Variants in BRIX1 observed in about 807,000 individuals in gnomAD.
BRIX1 encodes biogenesis of ribosomes BRX1.
BRIX1 carries 15 observed loss-of-function variants against 44.0 expected under a neutral mutation model. That is an observed-to-expected ratio of 0.34 (90% CI 0.23 to 0.53). The LOEUF is 0.53. Ranked by LOEUF, BRIX1 falls within the 20% of genes least tolerant of loss-of-function variation. The probability of loss-of-function intolerance (pLI) is 0.95; values close to 1 mark genes in which losing one functional copy is unlikely to be tolerated. For missense variants in BRIX1, 420 were observed against 432.8 expected, an observed-to-expected ratio of 0.97 and a Z score of 0.26; for synonymous variants, 149 against 135.4, an observed-to-expected ratio of 1.10 and a Z score of -0.70.
intron 1 of BRIX1, 159 bp downstream of exon 1, chr5:34,916,056 TTGC>T: frequency 1.2e-6 from 1 of 824,126 alleles, no homozygotes; most frequent in East Asian, 3.1e-5. Context: ...GGCACGGAGT[TTGC>T]AGCTAATCCT....
At chr5:34,920,404 TA>T (rs1381477384) in intron 3 of BRIX1, 1 of 152,222 alleles carries the variant, frequency 6.6e-6, no homozygotes, top group East Asian at 1.9e-4. Flanking sequence ...ATTTACATTT[TA>T]AAGCAAAATT....
intron 3 of BRIX1, chr5:34,921,630 G>A (rs1764238113): frequency 6.6e-6 from 1 of 152,314 alleles, no homozygotes; most frequent in Admixed American, 6.5e-5. Flanking sequence ...TCCTGGCCAG[G>A]TGAGGTGGCT....
chr5:34,919,155 A>C (rs1417249203), intron 2 of BRIX1, among the ~76,000 whole-genome samples: 1 of 150,938 alleles, frequency 6.6e-6, no homozygotes, highest in Admixed American at 6.6e-5. Flanking sequence ...ACTTGCCTGC[A>C]GTCCCAGCTA....
At chr5:34,920,897 C>T (rs570618782) in intron 3 of BRIX1, 16 of 151,974 alleles carry the variant, frequency 1.1e-4, no homozygotes, top group African/African-American at 3.6e-4. Flanking sequence ...AAAAGTCTCT[C>T]TCTGTTACCC....
In BRIX1 at chr5:34,918,466, T is replaced by C; in HGVS notation, c.262T>C (p.Ser88Pro). The change falls in exon 2 of 10, where the codon TCT becomes CCT. Residue 88 changes from serine to proline, a missense_variant. Physicochemically the swap from Ser to Pro is moderately conservative, Grantham distance 74. Coordinates refer to ENST00000336767, the MANE Select transcript of BRIX1 (RefSeq NM_018321.4). ...MQDLRMLMPH[S>P]KADTKMDRKD... ...GGACTTGAGAATGTTGATGCCTCAT[T>C]CTAAAGCAGGTGCCTTTATATCATA... is the stretch of plus-strand genomic sequence containing the variant. 1 of 1,593,074 alleles carries C rather than the reference T, an allele frequency of 6.3e-7. No homozygotes were observed. Among genetic ancestry groups the C allele is most frequent in the South Asian group, 1.1e-5 (1 of 88,174 alleles).
chr5:34,922,119 G>T (rs1439847407), intron 3 of BRIX1, 98 bp from the exon 4 acceptor site: 5 of 636,732 alleles, frequency 7.9e-6, no homozygotes, highest in Non-Finnish European at 1.3e-5. Context: ...GCCTGGTTAG[G>T]TATTTTTGAG....
intron 2 of BRIX1, among the ~76,000 whole-genome samples, chr5:34,919,382 TTTG>T (rs1393644570): frequency 6.6e-6 from 1 of 151,984 alleles, no homozygotes; most frequent in African/African-American, 2.4e-5. Flanking sequence ...TTTTTTGTTT[TTTG>T]TTTTTTATTT....
chr5:34,918,344 A>C lies in BRIX1; in HGVS notation c.160-20A>C. ...TCAGTATAAGATTTTAAAATCTTTTAACATTTTCTTTTTCTTTAGGGAAAG... is the reference window on the plus strand; with the variant it reads ...TCAGTATAAGATTTTAAAATCTTTTCACATTTTCTTTTTCTTTAGGGAAAG... On this transcript the variant is annotated intron_variant, in intron 1 of 9. Coordinates refer to ENST00000336767, the MANE Select transcript of BRIX1 (RefSeq NM_018321.4). 8.1e-7 allele frequency: 1 copy of C among 1,239,534 alleles called. No individual in the cohort carries two copies. Among genetic ancestry groups the C allele is most frequent in the Non-Finnish European group, 1.2e-6 (1 of 847,460 alleles). 76.8% of individuals were successfully genotyped at this position (1,239,534 alleles called of 1,614,324 possible).
chr5:34,921,953 G>T, intron 3 of BRIX1: 1 of 208,208 alleles, frequency 4.8e-6, no homozygotes, highest in Non-Finnish European at 9.3e-6. Flanking sequence ...GTAATCAGAA[G>T]TGAGACCATT....
At chr5:34,923,942 T>C (rs1472143889) in intron 8 of BRIX1, among the ~76,000 whole-genome samples, 1 of 151,766 alleles carries the variant, frequency 6.6e-6, no homozygotes, top group African/African-American at 2.4e-5. Flanking sequence ...AGGGAATAAC[T>C]TGAAGATCCA....
At position 34,916,006 on chromosome 5, in the gene BRIX1, T is replaced by TA. The variant is rs1764071602; in HGVS notation, c.159+111dup. 9 of 1,311,008 alleles carry TA rather than the reference T, an allele frequency of 6.9e-6. No homozygotes were observed. The South Asian group carries it at 1.4e-4, about 21-fold the overall frequency. 81.2% of individuals were successfully genotyped at this position (1,311,008 alleles called of 1,614,324 possible). ...CTTAATTTCAGAGTAGCCCGGGTGT[T>TA]AACGGTAGGTCGGTTTTAGCAATTC... On this transcript the variant is annotated intron_variant, in intron 1 of 9. Coordinates refer to ENST00000336767, the MANE Select transcript of BRIX1 (RefSeq NM_018321.4).
chr5:34,917,552 A>C (rs1764143580), intron 1 of BRIX1, among the ~76,000 whole-genome samples: 1 of 152,160 alleles, frequency 6.6e-6, no homozygotes, highest in African/African-American at 2.4e-5. Context: ...AGGCAGGAGA[A>C]TCGCTTGAAC....
At position 34,925,159 on chromosome 5, in the gene BRIX1, GT is replaced by G. The variant is rs1365300628; in HGVS notation, c.793-66del. ...AAGGATATATGGTTCATAACTGAAA[GT>G]CTTTGCCTTATATAAAATGTTTATT... is the stretch of plus-strand genomic sequence containing the variant. On this transcript the variant is annotated intron_variant, in intron 9 of 9. Coordinates refer to ENST00000336767, the MANE Select transcript of BRIX1 (RefSeq NM_018321.4). 3.4e-6 allele frequency: 5 copies of G among 1,462,418 alleles called. No homozygotes were observed. In the African/African-American group the frequency reaches 7.2e-5, roughly 21 times the overall value. 90.6% of individuals were successfully genotyped at this position (1,462,418 alleles called of 1,614,324 possible). A position where few individuals can be genotyped will look rare whatever the true frequency, so the allele number is the denominator to read the frequency against.
chr5:34,917,050 A>G (rs1376329050), intron 1 of BRIX1, among the ~76,000 whole-genome samples: 1 of 152,218 alleles, frequency 6.6e-6, no homozygotes, highest in East Asian at 1.9e-4. Context: ...TAATAAGATA[A>G]AGAATCATGA....
intron 6 of BRIX1, 26 bp from the exon 7 acceptor site, chr5:34,922,975 A>G (rs1301481412): frequency 2.0e-6 from 3 of 1,473,094 alleles, no homozygotes; most frequent in Non-Finnish European, 9.4e-7. Context: ...CTACTGTTAA[A>G]TAATATGCTT....
chr5:34,925,733 T>A lies in BRIX1; in HGVS notation c.*238T>A. 2.4e-6 allele frequency: 1 copy of A among 422,900 alleles called. No individual in the cohort carries two copies. Among genetic ancestry groups the A allele is most frequent in the South Asian group, 3.8e-5 (1 of 26,034 alleles). 26.2% of individuals were successfully genotyped at this position (422,900 alleles called of 1,614,324 possible). ...GTTGCTAAAAATGTAGCACACTTAATGTAGCCTGTTCTCTTGGGTTGGAAT... is the reference window on the plus strand; with the variant it reads ...GTTGCTAAAAATGTAGCACACTTAAAGTAGCCTGTTCTCTTGGGTTGGAAT... On this transcript the variant is annotated 3_prime_UTR_variant, in exon 10 of 10. Coordinates refer to ENST00000336767, the MANE Select transcript of BRIX1 (RefSeq NM_018321.4).
chr5:34,919,731 C>G (rs938883413), intron 2 of BRIX1, 109 bp from the exon 3 acceptor site: 4 of 392,648 alleles, frequency 1.0e-5, no homozygotes, highest in Non-Finnish European at 1.9e-5. Flanking sequence ...CTCCTTTAAA[C>G]TGAAGAGTGT....
At chr5:34,923,090 A>G (rs1208808313) in intron 7 of BRIX1, 39 bp downstream of exon 7, 22 of 1,563,862 alleles carry the variant, frequency 1.4e-5, no homozygotes, top group Non-Finnish European at 1.9e-5. Flanking sequence ...AATATACATG[A>G]TATATCTTGG....
chr5:34,923,879 T>C (rs909921230), intron 8 of BRIX1, among the ~76,000 whole-genome samples: 2 of 152,220 alleles, frequency 1.3e-5, no homozygotes, highest in African/African-American at 4.8e-5. Context: ...GACTGTTAGT[T>C]GATACAGAGT....
Sources: gnomAD v4.1 joint callset for allele counts (sites outside exome capture counted in the v4.1 genomes callset) on GRCh38, gnomAD v4.1.1 for gene constraint, MANE v1.5 for transcripts, NCBI Gene and HGNC (gene_info 2026-07-23, HGNC 2026-07-21) for gene names.